SPATA6: variants seen among roughly 807,000 people sequenced by gnomAD.
The protein encoded by SPATA6 is spermatogenesis associated 6, also known as spermatogenesis-associated protein 6.
Under a neutral mutation model 65.3 loss-of-function variants are expected in SPATA6, and 56 were observed. That is an observed-to-expected ratio of 0.86 (90% CI 0.69 to 1.07). The LOEUF is 1.07. Among genes scored for constraint, SPATA6 ranks in the 50% least tolerant of loss-of-function variants. SPATA6 has a pLI of 0.00. For synonymous variants in SPATA6, 199 were observed against 213.2 expected (o/e 0.93, Z 0.58); for missense variants, 590 against 594.8 (o/e 0.99, Z 0.08).
intron 3 of SPATA6, among the ~76,000 whole-genome samples, chr1:48,427,549 T>C (rs991953575): frequency 6.6e-6 from 1 of 151,858 alleles, no homozygotes; most frequent in Non-Finnish European, 1.5e-5. Context: ...ATACAACGAA[T>C]TTAAAGAAAA....
At chr1:48,263,460 C>T in the SPATA6 span, among the ~76,000 whole-genome samples, 1 of 151,932 alleles carries the variant, frequency 6.6e-6, no homozygotes, top group Non-Finnish European at 1.5e-5. Flanking sequence ...GATGTGCGCC[C>T]CTACATGACA....
At chr1:48,307,808 G>A (rs12145837) in intron 11 of SPATA6, among the ~76,000 whole-genome samples, 11,763 of 151,700 alleles carry the variant, frequency 0.078, 619 homozygotes, top group East Asian at 0.23. Context: ...ATATCTTCCT[G>A]ATGGTTTGGC....
chr1:48,342,261 T>C (rs1282049656), intron 11 of SPATA6, among the ~76,000 whole-genome samples: 1 of 152,196 alleles, frequency 6.6e-6, no homozygotes, highest in African/African-American at 2.4e-5. Context: ...AGCTAGAATT[T>C]GCCTGTGTGG....
At chr1:48,399,736 C>T (rs914393533) in intron 6 of SPATA6, 92 bp from the exon 7 acceptor site, 37 of 1,222,812 alleles carry the variant, frequency 3.0e-5, no homozygotes, top group East Asian at 2.5e-4. Context: ...TTAAATAAGA[C>T]GCAAAATCTA....
chr1:48,442,187 G>C (rs2148113742), intron 3 of SPATA6, among the ~76,000 whole-genome samples: 1 of 152,234 alleles, frequency 6.6e-6, no homozygotes, highest in East Asian at 1.9e-4. Flanking sequence ...TTGAAAGTAA[G>C]CCTCTTCCCC....
intron 9 of SPATA6, among the ~76,000 whole-genome samples, chr1:48,379,227 T>G (rs1438717576): frequency 6.6e-6 from 1 of 152,110 alleles, no homozygotes; most frequent in African/African-American, 2.4e-5. Context: ...GAAAACTGCT[T>G]ATCAAACCAT....
At chr1:48,364,947 CTT>C (rs1646949375) in intron 9 of SPATA6, among the ~76,000 whole-genome samples, 1 of 152,172 alleles carries the variant, frequency 6.6e-6, no homozygotes. Flanking sequence ...ACATGTAAGT[CTT>C]TAATCCATCG....
At chr1:48,407,651 A>G (rs1651830860) in intron 5 of SPATA6, among the ~76,000 whole-genome samples, 1 of 152,246 alleles carries the variant, frequency 6.6e-6, no homozygotes, top group South Asian at 2.1e-4. Flanking sequence ...CCAAAGCTTT[A>G]GCAGTTTTTC....
downstream of SPATA6, among the ~76,000 whole-genome samples, chr1:48,291,081 G>A (rs1644764137): frequency 6.6e-6 from 1 of 152,182 alleles, no homozygotes; most frequent in Non-Finnish European, 1.5e-5. Flanking sequence ...CTGCAAAACT[G>A]ACCACATAGC....
intron 11 of SPATA6, among the ~76,000 whole-genome samples, chr1:48,329,466 GAAT>G (rs1194076377): frequency 1.3e-5 from 2 of 152,056 alleles, no homozygotes; most frequent in Non-Finnish European, 2.9e-5. Flanking sequence ...TATTCAAAAA[GAAT>G]AATAAAATGA....
At chr1:48,391,807 G>C (rs1482679655) in intron 8 of SPATA6, among the ~76,000 whole-genome samples, 1 of 151,962 alleles carries the variant, frequency 6.6e-6, no homozygotes, top group East Asian at 1.9e-4. Flanking sequence ...AGTTATACCA[G>C]AGAGTAATCT....
In SPATA6 at chr1:48,436,547, G is replaced by A. The variant is rs1258556073; in HGVS notation, c.238+15005C>T. 2.5e-6 allele frequency: 4 copies of A among 1,612,250 alleles called. No individual in the cohort carries two copies. In the African/African-American group the frequency reaches 4.0e-5, roughly 16 times the overall value. ...AAAGCCAGCCATATCCTCATTTCTG[G>A]TGATGGCCTAGTGACCCTCTCTGGC... On this transcript the variant is annotated intron_variant, in intron 3 of 12. Transcript: ENST00000371847.
intron 3 of SPATA6, among the ~76,000 whole-genome samples, chr1:48,442,439 C>T (rs187003326): frequency 3.6e-4 from 55 of 152,034 alleles, no homozygotes; most frequent in Middle Eastern, 3.4e-3. Flanking sequence ...CAGTCTTACA[C>T]TGCCGAAGCC....
At chr1:48,413,235 C>G in intron 3 of SPATA6, 84 bp from the exon 4 acceptor site, 1 of 559,680 alleles carries the variant, frequency 1.8e-6, no homozygotes, top group Non-Finnish European at 2.8e-6. Flanking sequence ...TGTCTAAAAG[C>G]CAAAGTAATC....
intron 1 of SPATA6, among the ~76,000 whole-genome samples, chr1:48,456,487 C>A (rs981682275): frequency 2.6e-5 from 4 of 151,300 alleles, no homozygotes; most frequent in Non-Finnish European, 5.9e-5. Flanking sequence ...GAAAGCACAG[C>A]CTATACATGG....
At chr1:48,356,865 C>A (rs903294542) in intron 10 of SPATA6, among the ~76,000 whole-genome samples, 1 of 152,108 alleles carries the variant, frequency 6.6e-6, no homozygotes, top group Non-Finnish European at 1.5e-5. Context: ...ATGTTTTATA[C>A]AATCTACTTT....
At chr1:48,463,456 T>A (rs558974625) in intron 1 of SPATA6, among the ~76,000 whole-genome samples, 1 of 152,236 alleles carries the variant, frequency 6.6e-6, no homozygotes, top group African/African-American at 2.4e-5. Flanking sequence ...GTAGAAATCA[T>A]AATAAAAATT....
At chr1:48,422,043 T>C (rs1173067267) in intron 3 of SPATA6, among the ~76,000 whole-genome samples, 3 of 152,164 alleles carry the variant, frequency 2.0e-5, no homozygotes, top group African/African-American at 7.2e-5. Flanking sequence ...TGCTTAACTA[T>C]GCATTATCAG....
intron 4 of SPATA6, among the ~76,000 whole-genome samples, chr1:48,412,887 G>T (rs1029552872): frequency 3.3e-5 from 5 of 151,996 alleles, no homozygotes; most frequent in African/African-American, 1.2e-4. Flanking sequence ...CCAAAGTGCT[G>T]GGATTGCAGG....
Sources: gnomAD v4.1 joint callset for allele counts (sites outside exome capture counted in the v4.1 genomes callset) on GRCh38, gnomAD v4.1.1 for gene constraint, MANE v1.5 for transcripts, NCBI Gene and HGNC (gene_info 2026-07-23, HGNC 2026-07-21) for gene names.